The following SLC10A7 variants were observed in gnomAD, a reference collection of about 807,000 sequenced individuals.
SLC10A7 encodes sodium/bile acid cotransporter 7.
In SLC10A7, 29 loss-of-function variants were observed where a neutral mutation model predicts 43.2. The observed-to-expected ratio is 0.67, with a 90% confidence interval of 0.50 to 0.92. The LOEUF (loss-of-function observed/expected upper bound fraction) is 0.92, where lower values mean the gene tolerates loss of function less well. SLC10A7 is among the 40% of genes least tolerant of loss of function. The pLI is 0.00. For synonymous variants in SLC10A7, 152 were observed against 144.8 expected, an observed-to-expected ratio of 1.05 and a Z score of -0.35; for missense variants, 295 against 403.2, an observed-to-expected ratio of 0.73 and a Z score of 2.30.
intron 4 of SLC10A7, among the ~76,000 whole-genome samples, chr4:146,484,657 T>C (rs962555818): frequency 2.0e-5 from 3 of 152,152 alleles, no homozygotes; most frequent in African/African-American, 7.2e-5. Context: ...CAATAGGTAA[T>C]AAAATTGTGC....
intron 5 of SLC10A7, among the ~76,000 whole-genome samples, chr4:146,331,362 T>C (rs978776948): frequency 4.6e-5 from 7 of 152,210 alleles, no homozygotes; most frequent in Admixed American, 3.9e-4. Flanking sequence ...ATTCAGACTA[T>C]AAAAGTATAT....
chr4:146,350,073 G>T (rs539973081), intron 5 of SLC10A7, among the ~76,000 whole-genome samples: 3 of 151,972 alleles, frequency 2.0e-5, no homozygotes, highest in Non-Finnish European at 4.4e-5. Context: ...AGCTCCCAGC[G>T]TGAGCGACGC....
At chr4:146,372,898 A>G (rs1736894821) in intron 5 of SLC10A7, among the ~76,000 whole-genome samples, 1 of 152,218 alleles carries the variant, frequency 6.6e-6, no homozygotes, top group Non-Finnish European at 1.5e-5. Context: ...ATCCAAGTAA[A>G]TCATCCAGGT....
At chr4:146,382,380 C>T (rs1188597360) in intron 5 of SLC10A7, among the ~76,000 whole-genome samples, 3 of 152,124 alleles carry the variant, frequency 2.0e-5, no homozygotes, top group Non-Finnish European at 2.9e-5. Flanking sequence ...CATCATGTTA[C>T]AATTACTGTT....
At chr4:146,323,515 T>G (rs1252357744) in intron 6 of SLC10A7, among the ~76,000 whole-genome samples, 1 of 152,196 alleles carries the variant, frequency 6.6e-6, no homozygotes, top group Non-Finnish European at 1.5e-5. Context: ...TTTGTCAGGT[T>G]TGTCAAAGAT....
At chr4:146,444,717 TTGCCAACAG>T (rs1420694105) in intron 4 of SLC10A7, among the ~76,000 whole-genome samples, 1 of 152,160 alleles carries the variant, frequency 6.6e-6, no homozygotes, top group Non-Finnish European at 1.5e-5. Context: ...TCTTAGTTGT[TTGCCAACAG>T]TGGTGATGGA....
chr4:146,357,366 A>C lies in SLC10A7; in HGVS notation c.436-31370T>G, dbSNP rs74333149. ...GTGCATGATAAAATCTATATTTCCC[A>C]ATCTTCATTTTCCAGCTAAAATATT... On this transcript the variant is annotated intron_variant, in intron 5 of 11. Transcript: ENST00000335472. 1.6e-4 allele frequency among the ~76,000 whole-genome samples: 25 copies of C among 152,292 alleles called. No individual in the cohort carries two copies. The East Asian group carries it at 4.2e-3, about 26-fold the overall frequency.
chr4:146,448,089 G>A (rs1731264711), intron 4 of SLC10A7, among the ~76,000 whole-genome samples: 1 of 151,972 alleles, frequency 6.6e-6, no homozygotes, highest in Admixed American at 6.6e-5. Flanking sequence ...AGCGGTGAGG[G>A]ATAGCATTAT....
intron 5 of SLC10A7, among the ~76,000 whole-genome samples, chr4:146,407,981 C>T (rs939951394): frequency 2.6e-5 from 4 of 152,152 alleles, no homozygotes; most frequent in African/African-American, 4.8e-5. Context: ...TCAGGAAGCA[C>T]GTTTCTAAGC....
At chr4:146,480,281 G>A (rs1734359699) in intron 4 of SLC10A7, among the ~76,000 whole-genome samples, 1 of 151,432 alleles carries the variant, frequency 6.6e-6, no homozygotes, top group South Asian at 2.1e-4. Flanking sequence ...AATGTTAAAT[G>A]TCCTTTATTA....
At chr4:146,476,289 C>T (rs1560946024) in intron 4 of SLC10A7, among the ~76,000 whole-genome samples, 2 of 152,046 alleles carry the variant, frequency 1.3e-5, no homozygotes, top group African/African-American at 2.4e-5. Context: ...GTGGAAGATA[C>T]GCTGCACAAA....
intron 4 of SLC10A7, among the ~76,000 whole-genome samples, chr4:146,448,100 G>A (rs956619615): frequency 2.6e-5 from 4 of 151,956 alleles, no homozygotes; most frequent in African/African-American, 7.3e-5. Flanking sequence ...ATAGCATTAT[G>A]AGTTATACCT....
At chr4:146,462,167 T>C (rs1732598140) in intron 4 of SLC10A7, among the ~76,000 whole-genome samples, 1 of 152,158 alleles carries the variant, frequency 6.6e-6, no homozygotes, top group Non-Finnish European at 1.5e-5. Flanking sequence ...AGCTTTCTCC[T>C]GTATCACTTA....
intron 4 of SLC10A7, among the ~76,000 whole-genome samples, chr4:146,476,215 A>G (rs1460957985): frequency 6.6e-6 from 1 of 152,128 alleles, no homozygotes; most frequent in Admixed American, 6.6e-5. Flanking sequence ...AACACTCTTC[A>G]CCTCCTTAAA....
At chr4:146,377,597 G>A (rs1028254144) in intron 5 of SLC10A7, among the ~76,000 whole-genome samples, 6 of 152,132 alleles carry the variant, frequency 3.9e-5, no homozygotes, top group African/African-American at 1.4e-4. Flanking sequence ...GATTGCAAAG[G>A]GTTGTTCAGG....
chr4:146,380,095 A>T (rs1737506087), intron 5 of SLC10A7, among the ~76,000 whole-genome samples: 2 of 152,124 alleles, frequency 1.3e-5, no homozygotes, highest in Non-Finnish European at 2.9e-5. Flanking sequence ...TATCCAAAAG[A>T]TGTTTCAGAT....
chr4:146,312,555 G>A (rs1310865865), intron 6 of SLC10A7, among the ~76,000 whole-genome samples: 1 of 152,078 alleles, frequency 6.6e-6, no homozygotes, highest in Non-Finnish European at 1.5e-5. Flanking sequence ...CTGCAAGTCT[G>A]CATCCTTTGG....
At chr4:146,408,727 T>C (rs1281488655) in intron 5 of SLC10A7, 2 of 151,836 alleles carry the variant, frequency 1.3e-5, no homozygotes, top group African/African-American at 2.4e-5. Context: ...TTTAAGTCAA[T>C]TTTTTTTCTC....
At chr4:146,411,525 G>T (rs1314900373) in intron 5 of SLC10A7, among the ~76,000 whole-genome samples, 4 of 152,066 alleles carry the variant, frequency 2.6e-5, no homozygotes, top group African/African-American at 9.7e-5. Context: ...TTTGAAGGAG[G>T]TGTATGCTAA....
Sources: allele counts gnomAD v4.1 joint callset (sites outside exome capture counted in the v4.1 genomes callset), GRCh38; gene constraint gnomAD v4.1.1; transcripts MANE v1.5; gene names NCBI Gene and HGNC (gene_info 2026-07-23, HGNC 2026-07-21).